The following ELAPOR2 variants were observed in gnomAD, a reference collection of about 807,000 sequenced individuals.
The protein encoded by ELAPOR2 is endosome-lysosome associated apoptosis and autophagy regulator family member 2.
ELAPOR2 carries 89 observed loss-of-function variants against 120.7 expected under a neutral mutation model. That is an observed-to-expected ratio of 0.74 (90% CI 0.62 to 0.88). The LOEUF (loss-of-function observed/expected upper bound fraction) is 0.88. Among genes scored for constraint, ELAPOR2 ranks in the 40% least tolerant of loss-of-function variants. The probability of loss-of-function intolerance (pLI) is 0.00; values close to 1 mark genes in which losing one functional copy is unlikely to be tolerated. For synonymous variants in ELAPOR2, 444 were observed against 444.9 expected (o/e 1.00, Z 0.03); for missense variants, 1,134 against 1,251.6 (o/e 0.91, Z 1.42).
chr7:86,882,621 G>A (rs1799465463), intron 21 of ELAPOR2, among the ~76,000 whole-genome samples: 1 of 152,062 alleles, frequency 6.6e-6, no homozygotes, highest in Non-Finnish European at 1.5e-5. Context: ...CTTCCTAATG[G>A]CAGGAACTCT....
chr7:86,942,398 T>A (rs1463623930), intron 4 of ELAPOR2, among the ~76,000 whole-genome samples: 1 of 151,966 alleles, frequency 6.6e-6, no homozygotes, highest in Non-Finnish European at 1.5e-5. Context: ...ACACTGACAA[T>A]GCACAGAAAG....
At chr7:87,037,682 C>A (rs116889201) in intron 1 of ELAPOR2, among the ~76,000 whole-genome samples, 1 of 152,190 alleles carries the variant, frequency 6.6e-6, no homozygotes, top group Admixed American at 6.5e-5. Flanking sequence ...ATGTTAATAG[C>A]GCTTCATAGC....
At position 87,019,031 on chromosome 7, in the gene ELAPOR2, G is replaced by A. The variant is rs556160012; in HGVS notation, c.189+40294C>T. Among the ~76,000 whole-genome samples, 7 of 152,276 alleles carry A rather than the reference G, an allele frequency of 4.6e-5. No individual in the cohort carries two copies. In the East Asian group the frequency reaches 1.3e-3, roughly 29 times the overall value. On this transcript the variant is annotated intron_variant, in intron 1 of 21. Transcript: ENST00000450689. ...TTCTAGAAAAAAGCAAAAAATGACAGAGATCACTTCGTTAAGACATTTAAC... is the reference window on the plus strand; with the variant it reads ...TTCTAGAAAAAAGCAAAAAATGACAAAGATCACTTCGTTAAGACATTTAAC...
At chr7:87,053,472 G>A (rs1795175841) in intron 1 of ELAPOR2, among the ~76,000 whole-genome samples, 1 of 152,090 alleles carries the variant, frequency 6.6e-6, no homozygotes, top group African/African-American at 2.4e-5. Flanking sequence ...ATATGAACTA[G>A]AAAAAGGTAT....
Position 86,877,183 on chromosome 7 carries a change from CTTCT to C in ELAPOR2, c.*3284_*3287del, listed in dbSNP as rs1365931307. ...TATTCATTCCCATCTTAAAGTTTTA[CTTCT>C]TTCATTTATGATTCTAAAAGGAACT... is the stretch of plus-strand genomic sequence containing the variant. On this transcript the variant is annotated 3_prime_UTR_variant, in exon 22 of 22. Transcript: ENST00000450689. 4 of 152,082 alleles carry C rather than the reference CTTCT, an allele frequency of 2.6e-5. No individual in the cohort carries two copies. Among genetic ancestry groups the C allele is most frequent in the Admixed American group, 6.6e-5 (1 of 15,248 alleles). 9.4% of individuals were successfully genotyped at this position (152,082 alleles called of 1,614,324 possible).
At chr7:86,886,636 G>T (rs765964298) in intron 21 of ELAPOR2, among the ~76,000 whole-genome samples, 1 of 152,048 alleles carries the variant, frequency 6.6e-6, no homozygotes, top group Non-Finnish European at 1.5e-5. Flanking sequence ...ATTTATGGTC[G>T]CTCAACAAGG....
chr7:87,004,120 A>G (rs1793400453), intron 1 of ELAPOR2, among the ~76,000 whole-genome samples: 1 of 152,188 alleles, frequency 6.6e-6, no homozygotes, highest in Non-Finnish European at 1.5e-5. Flanking sequence ...ATCCTTTCAA[A>G]AGGGAGAGGG....
chr7:86,931,672 A>AT (rs920265372), intron 8 of ELAPOR2, among the ~76,000 whole-genome samples: 37 of 148,866 alleles, frequency 2.5e-4, no homozygotes, highest in South Asian at 1.5e-3. Flanking sequence ...AGGCTTAGAG[A>AT]TTTTTTTTTT....
intron 1 of ELAPOR2, among the ~76,000 whole-genome samples, chr7:87,001,573 A>C (rs1793316755): frequency 6.6e-6 from 1 of 152,142 alleles, no homozygotes; most frequent in African/African-American, 2.4e-5. Flanking sequence ...AGCAAAGCCA[A>C]CAAGTAGGAT....
rs1799326472 is a variant in ELAPOR2 at position 86,880,112 on chromosome 7, C to T, written c.*359G>A. On this transcript the variant is annotated 3_prime_UTR_variant, in exon 22 of 22. Coordinates refer to ENST00000450689, the MANE Select transcript of ELAPOR2 (RefSeq NM_001142749.3). Reference sequence around the variant, plus strand: ...GCTCACATGTGCCTTCCAAATCACACTTGTTATGTAGACATCATAAAGAAT... The same window carrying T: ...GCTCACATGTGCCTTCCAAATCACATTTGTTATGTAGACATCATAAAGAAT... The T allele has an allele frequency of 1.1e-5, 2 of 189,990 alleles. No individual in the cohort carries two copies. The highest frequency in any genetic ancestry group is 2.1e-5 in the Non-Finnish European group (2 of 93,538). The allele number at this position is 189,990 out of a possible 1,614,324, so 11.8% of individuals were successfully genotyped here. A position where few individuals can be genotyped will look rare whatever the true frequency, so the allele number is the denominator to read the frequency against.
At chr7:86,910,134 A>G (rs1789229705) in intron 15 of ELAPOR2, 133 bp from the exon 16 acceptor site, 1 of 665,092 alleles carries the variant, frequency 1.5e-6, no homozygotes, top group African/African-American at 1.8e-5. Flanking sequence ...TTGATCTGGT[A>G]TGAGGCCTAG....
chr7:87,011,882 A>ATTATATACTTCTGAATAGAAT (rs1483727434), intron 1 of ELAPOR2, among the ~76,000 whole-genome samples: 2 of 152,248 alleles, frequency 1.3e-5, no homozygotes, highest in Admixed American at 1.3e-4. Context: ...ATAGAAATAT[A>ATTATATACTTCTGAATAGAAT]AGCTATAAAT....
At chr7:86,990,348 G>T (rs1767700) in intron 1 of ELAPOR2, among the ~76,000 whole-genome samples, 57,512 of 151,826 alleles carry the variant, frequency 0.38, 11,733 homozygotes, top group African/African-American at 0.53. Context: ...CGGGTTCTGC[G>T]CTTATGAATG....
chr7:86,986,704 A>G (rs991747397), intron 1 of ELAPOR2, among the ~76,000 whole-genome samples: 43 of 151,852 alleles, frequency 2.8e-4, no homozygotes, highest in African/African-American at 9.7e-4. Flanking sequence ...AGAGGACACA[A>G]ACAAATGAAA....
intron 1 of ELAPOR2, among the ~76,000 whole-genome samples, chr7:86,978,702 C>G (rs1181958649): frequency 6.6e-6 from 1 of 152,176 alleles, no homozygotes; most frequent in Admixed American, 6.5e-5. Context: ...CTCAGTGTCT[C>G]TGAACCTCAA....
At chr7:86,917,132 A>C (rs1170196727) in intron 12 of ELAPOR2, among the ~76,000 whole-genome samples, 1 of 151,626 alleles carries the variant, frequency 6.6e-6, no homozygotes, top group Non-Finnish European at 1.5e-5. Flanking sequence ...GTTTAAGGAT[A>C]ATTTTAGTTG....
chr7:87,019,491 G>C (rs551886727), intron 1 of ELAPOR2, among the ~76,000 whole-genome samples: 1 of 152,144 alleles, frequency 6.6e-6, no homozygotes, highest in East Asian at 1.9e-4. Flanking sequence ...ATCTCTTCTG[G>C]TCATTAGGAA....
chr7:87,034,686 A>T (rs1794527132), intron 1 of ELAPOR2, among the ~76,000 whole-genome samples: 1 of 152,126 alleles, frequency 6.6e-6, no homozygotes, highest in Admixed American at 6.5e-5. Context: ...TTCAAGGGTC[A>T]GTTCTTTCTG....
chr7:87,007,897 G>A (rs1209241525), intron 1 of ELAPOR2, among the ~76,000 whole-genome samples: 4 of 152,240 alleles, frequency 2.6e-5, no homozygotes, highest in South Asian at 2.1e-4. Flanking sequence ...GAAGGGAAAG[G>A]CTTTCTTTTC....
Sources: allele counts gnomAD v4.1 joint callset (sites outside exome capture counted in the v4.1 genomes callset), GRCh38; gene constraint gnomAD v4.1.1; transcripts MANE v1.5; gene names NCBI Gene and HGNC (gene_info 2026-07-23, HGNC 2026-07-21).